Variants in STXBP4 observed in about 807,000 individuals in gnomAD.
STXBP4 encodes syntaxin-binding protein 4.
In STXBP4, 55 loss-of-function variants were observed where a neutral mutation model predicts 76.1. That is an observed-to-expected ratio of 0.72 (90% CI 0.58 to 0.91). The LOEUF (loss-of-function observed/expected upper bound fraction) is 0.91. Among genes scored for constraint, STXBP4 ranks in the 40% least tolerant of loss-of-function variants. STXBP4 has a pLI of 0.00. For synonymous variants in STXBP4, 201 were observed against 220.2 expected, an observed-to-expected ratio of 0.91 and a Z score of 0.77; for missense variants, 618 against 636.9, an observed-to-expected ratio of 0.97 and a Z score of 0.32.
chr17:55,139,572 G>A (rs897009964), intron 16 of STXBP4, among the ~76,000 whole-genome samples: 69 of 152,250 alleles, frequency 4.5e-4, no homozygotes, highest in African/African-American at 1.5e-3. Context: ...AAAAGAAGAT[G>A]CAGAAAGTGT....
chr17:55,209,788 T>C, the STXBP4 span, among the ~76,000 whole-genome samples: 1 of 152,192 alleles, frequency 6.6e-6, no homozygotes, highest in Non-Finnish European at 1.5e-5. Flanking sequence ...TAGCTTCGGC[T>C]TTCTGAGAAC....
chr17:55,149,069 A>T (rs2080187374), intron 17 of STXBP4, among the ~76,000 whole-genome samples: 1 of 152,184 alleles, frequency 6.6e-6, no homozygotes, highest in South Asian at 2.1e-4. Flanking sequence ...TTTTATTCTT[A>T]ATGAGGCTAC....
intron 8 of STXBP4, among the ~76,000 whole-genome samples, chr17:55,029,412 T>C (rs1046201709): frequency 2.6e-5 from 4 of 151,992 alleles, no homozygotes; most frequent in Non-Finnish European, 4.4e-5. Flanking sequence ...ATATATAGTT[T>C]TATTTATTGA....
At chr17:55,037,595 A>G (rs2078625195) in intron 10 of STXBP4, among the ~76,000 whole-genome samples, 1 of 152,264 alleles carries the variant, frequency 6.6e-6, no homozygotes, top group Non-Finnish European at 1.5e-5. Flanking sequence ...TAATTCTGAC[A>G]TGTCAATGAT....
rs1259271940 is a variant in STXBP4 at position 55,169,385 on chromosome 17, G to A, written c.*9474G>A. On this transcript the variant is annotated 3_prime_UTR_variant, in exon 18 of 18. Coordinates refer to ENST00000376352, the MANE Select transcript of STXBP4 (RefSeq NM_178509.6). ...AATGGGGGTGGGGGTGGGGGTGGGT[G>A]TAAATTTCCAGGTGCTTCCAGCCTG... The A allele has an allele frequency of 6.6e-6, 1 of 151,458 alleles. No homozygotes were observed. The highest frequency in any genetic ancestry group is 1.5e-5 in the Non-Finnish European group (1 of 67,990). The allele number at this position is 151,458 out of a possible 1,614,324, so 9.4% of individuals were successfully genotyped here.
At chr17:55,096,942 T>C (rs1031166771) in intron 16 of STXBP4, among the ~76,000 whole-genome samples, 1 of 152,226 alleles carries the variant, frequency 6.6e-6, no homozygotes, top group African/African-American at 2.4e-5. Flanking sequence ...TGTCCTAAAC[T>C]GCTTTGCATC....
chr17:55,191,211 T>A, the STXBP4 span, among the ~76,000 whole-genome samples: 1 of 152,164 alleles, frequency 6.6e-6, no homozygotes, highest in Non-Finnish European at 1.5e-5. Context: ...CTGAAGGGAC[T>A]ATTAGAACCC....
intron 8 of STXBP4, among the ~76,000 whole-genome samples, chr17:55,017,523 A>T (rs2078229860): frequency 6.6e-6 from 1 of 152,190 alleles, no homozygotes; most frequent in South Asian, 2.1e-4. Flanking sequence ...GGAGGCAGGG[A>T]TCAGAGGAAG....
rs1304999793 is a variant in STXBP4, at chr17:55,167,575, T to C, written c.*7664T>C. ...AAGCACATACTCACACATTGTTGAT[T>C]TGCCCAAGGTTCTGAAGAAATACCA... On this transcript the variant is annotated 3_prime_UTR_variant, in exon 18 of 18. Coordinates refer to ENST00000376352, the MANE Select transcript of STXBP4 (RefSeq NM_178509.6). 1 of 152,214 alleles carries C rather than the reference T, an allele frequency of 6.6e-6. No individual in the cohort carries two copies. The highest frequency in any genetic ancestry group is 1.5e-5 in the Non-Finnish European group (1 of 68,034). The allele number at this position is 152,214 out of a possible 1,614,324, so 9.4% of individuals were successfully genotyped here.
At chr17:55,003,439 A>C (rs1290945439) in intron 7 of STXBP4, among the ~76,000 whole-genome samples, 1 of 152,188 alleles carries the variant, frequency 6.6e-6, no homozygotes, top group Non-Finnish European at 1.5e-5. Context: ...TGTAGTAGGC[A>C]AGATATTTCT....
intron 1 of STXBP4, among the ~76,000 whole-genome samples, chr17:54,977,217 G>A (rs1193595718): frequency 2.0e-4 from 30 of 152,050 alleles, no homozygotes; most frequent in Non-Finnish European, 5.9e-5. Flanking sequence ...ACATGCACTA[G>A]TAAACAGAAT....
intron 16 of STXBP4, among the ~76,000 whole-genome samples, chr17:55,087,924 T>C (rs2079359673): frequency 1.3e-5 from 2 of 152,200 alleles, no homozygotes; most frequent in Non-Finnish European, 2.9e-5. Flanking sequence ...GTTTCTTCCA[T>C]GAGCATTTTG....
chr17:55,110,645 AT>A (rs1402936519), intron 16 of STXBP4, among the ~76,000 whole-genome samples: 1 of 152,166 alleles, frequency 6.6e-6, no homozygotes, highest in Non-Finnish European at 1.5e-5. Flanking sequence ...TTGTAGCCGT[AT>A]TTTCTCTGTT....
chr17:55,085,368 G>T (rs767292410), intron 16 of STXBP4, among the ~76,000 whole-genome samples: 1 of 150,198 alleles, frequency 6.7e-6, no homozygotes, highest in Non-Finnish European at 1.5e-5. Flanking sequence ...TAAAAAAAAA[G>T]TGATACATTA....
At chr17:55,086,683 A>T (rs1040298919) in intron 16 of STXBP4, among the ~76,000 whole-genome samples, 3 of 152,130 alleles carry the variant, frequency 2.0e-5, no homozygotes, top group Non-Finnish European at 4.4e-5. Flanking sequence ...TTGCACACTA[A>T]GGTTGATTCC....
rs1483710856 is a variant in STXBP4 at position 55,162,667 on chromosome 17, A to G, written c.*2756A>G. On this transcript the variant is annotated 3_prime_UTR_variant, in exon 18 of 18. Transcript: ENST00000376352. The stretch of plus-strand genomic sequence containing the variant: ...TAAAACTAATCTATTTTATTTAAAA[A>G]AAATCAAGTACTTTGGAAGTGAATA... 3 of 152,198 alleles carry G rather than the reference A, an allele frequency of 2.0e-5. No individual in the cohort carries two copies. The allele number at this position is 152,198 out of a possible 1,614,324, so 9.4% of individuals were successfully genotyped here.
downstream of STXBP4, among the ~76,000 whole-genome samples, chr17:55,174,034 T>C (rs2080419633): frequency 6.6e-6 from 1 of 152,216 alleles, no homozygotes; most frequent in Admixed American, 6.5e-5. Flanking sequence ...CATATCTCTC[T>C]CTCTGACCCA....
intron 4 of STXBP4, chr17:54,991,229 C>A: frequency 5.3e-6 from 1 of 188,630 alleles, no homozygotes; most frequent in Non-Finnish European, 1.1e-5. Context: ...TATCCTGTAT[C>A]TGATTGAGAG....
intron 1 of STXBP4, among the ~76,000 whole-genome samples, chr17:54,975,727 C>T (rs929947557): frequency 6.6e-6 from 1 of 152,156 alleles, no homozygotes; most frequent in Non-Finnish European, 1.5e-5. Flanking sequence ...GAAATCCAGA[C>T]CCTGCCTACT....
Sources: gnomAD v4.1 joint callset for allele counts (sites outside exome capture counted in the v4.1 genomes callset) on GRCh38, gnomAD v4.1.1 for gene constraint, MANE v1.5 for transcripts, NCBI Gene and HGNC (gene_info 2026-07-23, HGNC 2026-07-21) for gene names.